The following EPHA3 variants were observed in gnomAD, a reference collection of about 807,000 sequenced individuals.
The protein encoded by EPHA3 is ephrin type-A receptor 3.
In EPHA3, 42 loss-of-function variants were observed where a neutral mutation model predicts 107.1. The observed-to-expected ratio is 0.39, with a 90% CI of 0.31 to 0.51. The LOEUF (loss-of-function observed/expected upper bound fraction) is 0.51, where lower values mean the gene tolerates loss of function less well. EPHA3 is among the 20% of genes least tolerant of loss of function. The pLI, the probability that EPHA3 is intolerant of heterozygous loss-of-function variation, is 0.78. For synonymous variants in EPHA3, 461 were observed against 424.8 expected (o/e 1.09, Z -1.05); for missense variants, 1,183 against 1,211.2 (o/e 0.98, Z 0.35).
intron 1 of EPHA3, among the ~76,000 whole-genome samples, chr3:89,122,855 G>C (rs1451806214): frequency 6.6e-6 from 1 of 152,110 alleles, no homozygotes; most frequent in East Asian, 1.9e-4. Flanking sequence ...TTACTAAGAA[G>C]AAAAGACTAT....
At chr3:89,185,886 A>G (rs538799485) in intron 2 of EPHA3, among the ~76,000 whole-genome samples, 5 of 152,240 alleles carry the variant, frequency 3.3e-5, no homozygotes, top group African/African-American at 7.2e-5. Flanking sequence ...TTGAAAAGTG[A>G]TATTTTGAGA....
intron 3 of EPHA3, among the ~76,000 whole-genome samples, chr3:89,287,913 C>A (rs1411792551): frequency 6.6e-6 from 1 of 152,142 alleles, no homozygotes; most frequent in African/African-American, 2.4e-5. Flanking sequence ...AACTGTCCAT[C>A]TTTTATTTTT....
chr3:89,339,962 A>G (rs972878375), intron 3 of EPHA3, among the ~76,000 whole-genome samples: 2 of 152,194 alleles, frequency 1.3e-5, no homozygotes, highest in African/African-American at 4.8e-5. Flanking sequence ...ATTACTAGAG[A>G]CTTCTTGGAA....
At chr3:89,192,376 T>TTA (rs1313807216) in intron 2 of EPHA3, among the ~76,000 whole-genome samples, 1 of 152,040 alleles carries the variant, frequency 6.6e-6, no homozygotes, top group Non-Finnish European at 1.5e-5. Flanking sequence ...GAGTAAAAGT[T>TTA]TAATTTTCTT....
chr3:89,389,292 AG>A (rs1161324226), intron 5 of EPHA3, among the ~76,000 whole-genome samples: 1 of 152,234 alleles, frequency 6.6e-6, no homozygotes, highest in Non-Finnish European at 1.5e-5. Flanking sequence ...AAAACTGAGA[AG>A]GAAATGTTCC....
intron 1 of EPHA3, among the ~76,000 whole-genome samples, chr3:89,117,617 A>C (rs920477770): frequency 1.3e-5 from 2 of 152,128 alleles, no homozygotes; most frequent in African/African-American, 4.8e-5. Flanking sequence ...TTATATCACC[A>C]ACAGTATTGT....
At chr3:89,140,566 A>G (rs1576178434) in intron 2 of EPHA3, among the ~76,000 whole-genome samples, 1 of 151,800 alleles carries the variant, frequency 6.6e-6, no homozygotes. Context: ...AATGAGCTTT[A>G]TAACTCCCAA....
chr3:89,258,275 G>A (rs1705333020), intron 3 of EPHA3, among the ~76,000 whole-genome samples: 1 of 152,204 alleles, frequency 6.6e-6, no homozygotes, highest in Non-Finnish European at 1.5e-5. Context: ...TAGGGATGAC[G>A]AGAGAAACGA....
intron 3 of EPHA3, among the ~76,000 whole-genome samples, chr3:89,313,347 C>CA (rs1224437589): frequency 6.6e-6 from 1 of 151,900 alleles, no homozygotes; most frequent in Non-Finnish European, 1.5e-5. Context: ...TTAAACAGTA[C>CA]ATTTGGCTTT....
intron 5 of EPHA3, among the ~76,000 whole-genome samples, chr3:89,351,681 T>A (rs1707823812): frequency 6.6e-6 from 1 of 151,202 alleles, no homozygotes; most frequent in South Asian, 2.1e-4. Context: ...TTAAAAACAA[T>A]AATGCTTTTA....
chr3:89,330,442 CAAT>C (rs1425637614), intron 3 of EPHA3, among the ~76,000 whole-genome samples: 1 of 151,198 alleles, frequency 6.6e-6, no homozygotes, highest in African/African-American at 2.4e-5. Flanking sequence ...GGCTTTTTAA[CAAT>C]AATATTATCA....
chr3:89,336,048 T>G (rs1343917955), intron 3 of EPHA3, among the ~76,000 whole-genome samples: 1 of 152,208 alleles, frequency 6.6e-6, no homozygotes, highest in Non-Finnish European at 1.5e-5. Context: ...TGGATAAATC[T>G]TTTTTCCACC....
At chr3:89,268,175 A>G (rs1256648950) in intron 3 of EPHA3, among the ~76,000 whole-genome samples, 4 of 152,140 alleles carry the variant, frequency 2.6e-5, no homozygotes, top group East Asian at 1.9e-4. Flanking sequence ...GCCAAAAGAA[A>G]CAATTCACTT....
At chr3:89,436,544 A>C (rs1189613443) in intron 13 of EPHA3, among the ~76,000 whole-genome samples, 1 of 152,188 alleles carries the variant, frequency 6.6e-6, no homozygotes, top group Non-Finnish European at 1.5e-5. Context: ...CATTTGAATC[A>C]ATGTCAGTGG....
chr3:89,372,610 A>C (rs770183464), intron 5 of EPHA3, among the ~76,000 whole-genome samples: 1 of 151,816 alleles, frequency 6.6e-6, no homozygotes, highest in Non-Finnish European at 1.5e-5. Flanking sequence ...AGAGAAAATT[A>C]ACAAGTGAGC....
intron 2 of EPHA3, among the ~76,000 whole-genome samples, chr3:89,143,299 A>G (rs1163467236): frequency 1.3e-5 from 2 of 151,540 alleles, no homozygotes; most frequent in East Asian, 3.9e-4. Flanking sequence ...CATGTTAATT[A>G]ATATAACCCA....
chr3:89,261,128 A>G (rs1283714676), intron 3 of EPHA3, among the ~76,000 whole-genome samples: 2 of 152,236 alleles, frequency 1.3e-5, no homozygotes, highest in East Asian at 1.9e-4. Flanking sequence ...GGTATTTGCT[A>G]TTAGACTCAG....
chr3:89,352,022 T>C (rs1010626596), intron 5 of EPHA3, among the ~76,000 whole-genome samples: 1 of 150,942 alleles, frequency 6.6e-6, no homozygotes, highest in Non-Finnish European at 1.5e-5. Flanking sequence ...AGAGTTGCCA[T>C]TCCATTCAAA....
At position 89,289,726 on chromosome 3, in the gene EPHA3, CAG is replaced by C. The variant is rs542056556; in HGVS notation, c.815-51183_815-51182del. 5.3e-4 allele frequency among the ~76,000 whole-genome samples: 81 copies of C among 152,108 alleles called. 1 individual carries two copies. Among genetic ancestry groups the C allele is most frequent in the Admixed American group, 1.8e-3 (28 of 15,242 alleles). The stretch of plus-strand genomic sequence containing the variant: ...GTGCATGTGTTCATGCAAGGGGTGA[CAG>C]AGAGAGTTGAGACTCACAGAGACAC... On this transcript the variant is annotated intron_variant, in intron 3 of 16. Coordinates refer to ENST00000336596, the MANE Select transcript of EPHA3 (RefSeq NM_005233.6).
Sources: allele counts gnomAD v4.1 joint callset (sites outside exome capture counted in the v4.1 genomes callset), GRCh38; gene constraint gnomAD v4.1.1; transcripts MANE v1.5; gene names NCBI Gene and HGNC (gene_info 2026-07-23, HGNC 2026-07-21).